ZNF500: variants seen among roughly 807,000 people sequenced by gnomAD.
ZNF500 encodes zinc finger protein 500.
In ZNF500, 31 loss-of-function variants were observed where a neutral mutation model predicts 30.1. The observed-to-expected ratio is 1.03, with a 90% CI of 0.77 to 1.39. ZNF500 has a LOEUF of 1.39. ZNF500 is among the 40% of genes most tolerant of loss of function. The pLI is 0.00. For synonymous variants in ZNF500, 392 were observed against 282.0 expected, an observed-to-expected ratio of 1.39 and a Z score of -3.91; for missense variants, 817 against 657.8, an observed-to-expected ratio of 1.24 and a Z score of -2.65.
intron 2 of ZNF500, among the ~76,000 whole-genome samples, chr16:4,764,457 CAGAG>C (rs1395629120): frequency 6.6e-6 from 1 of 151,820 alleles, no homozygotes; most frequent in African/African-American, 2.4e-5. Flanking sequence ...GCCTGGGCGA[CAGAG>C]AGAGACTCTG....
At chr16:4,746,369 T>C, downstream of ZNF500, 1 of 1,609,830 alleles carries the variant, frequency 6.2e-7, no homozygotes, top group Non-Finnish European at 8.5e-7. Flanking sequence ...GCTTTTCTCA[T>C]TTCAGATGTG....
At position 4,765,766 on chromosome 16, in the gene ZNF500, G is replaced by A; in HGVS notation, c.213C>T (p.Leu71=). 6.2e-7 allele frequency: 1 copy of A among 1,612,980 alleles called. No individual in the cohort carries two copies. Among genetic ancestry groups the A allele is most frequent in the Non-Finnish European group, 8.5e-7 (1 of 1,179,862 alleles). Residue 71 remains leucine, a synonymous_variant, in exon 2 of 6, where the codon CTC becomes CTT. Coordinates refer to ENST00000219478, the MANE Select transcript of ZNF500 (RefSeq NM_021646.4). ...GCAGCCAGCGGCAGCACAGCTCCCA[G>A]AGGCGGCTCAGGGCCTCCCGGGGCC... ...VAGPREALSR[L]WELCCRWLRP... is the part of the protein sequence containing the mutation.
In ZNF500 at chr16:4,751,552, TGAA is replaced by T. The variant is rs2082077862; in HGVS notation, c.*821_*823del. On this transcript the variant is annotated 3_prime_UTR_variant, in exon 6 of 6. Coordinates refer to ENST00000219478, the MANE Select transcript of ZNF500 (RefSeq NM_021646.4). The stretch of plus-strand genomic sequence containing the variant: ...GCTCCATTTGGAAACTCTGGCAGGA[TGAA>T]GAAGCTGGAGACCACGTCCTGGGAA... 1.3e-6 allele frequency: 2 copies of T among 1,530,142 alleles called. No homozygotes were observed. The highest frequency in any genetic ancestry group is 1.7e-6 in the Non-Finnish European group (2 of 1,145,104). 94.8% of individuals were successfully genotyped at this position (1,530,142 alleles called of 1,614,324 possible).
intron 5 of ZNF500, among the ~76,000 whole-genome samples, chr16:4,757,275 T>A (rs574640416): frequency 6.6e-6 from 1 of 152,310 alleles, no homozygotes; most frequent in South Asian, 2.1e-4. Flanking sequence ...GTGAATTTCA[T>A]CTCATTAAAA....
In ZNF500 at chr16:4,749,949, C is replaced by T. The variant is rs952301725; in HGVS notation, c.*2427G>A. 1 of 152,330 alleles carries T rather than the reference C, an allele frequency of 6.6e-6. No individual in the cohort carries two copies. The highest frequency in any genetic ancestry group is 2.4e-5 in the African/African-American group (1 of 41,420). 9.4% of individuals were successfully genotyped at this position (152,330 alleles called of 1,614,324 possible). On this transcript the variant is annotated 3_prime_UTR_variant, in exon 6 of 6. Transcript: ENST00000219478. ...ATCACGTGAGTGCTGAGGATGACGC[C>T]CATGAGATGGGGCCAAGCAGCAGGC...
In ZNF500 at chr16:4,752,860, C is replaced by G. The variant is rs776110565; in HGVS notation, c.959G>C (p.Gly320Ala). 1.2e-6 allele frequency: 2 copies of G among 1,614,018 alleles called. No homozygotes were observed. Among genetic ancestry groups the G allele is most frequent in the Non-Finnish European group, 1.7e-6 (2 of 1,180,040 alleles). The change falls in exon 6 of 6, where the codon GGG becomes GCG. Residue 320 changes from glycine (G) to alanine (A), a missense_variant. Transcript: ENST00000219478. ...GGGGCAGGTGTACGGCTTGTCAGCC[C>G]CATGGGAAGCCCGTCTTCCTGGTGG... ...GPPPGRRASH[G>A]ADKPYTCPEC...
In ZNF500 at chr16:4,752,999, C is replaced by A; in HGVS notation, c.820G>T (p.Glu274Ter). The change falls in exon 6 of 6, where the codon GAG (glutamate) becomes TAG (stop). Residue 274 changes from glutamate to a stop codon, truncating the protein, a stop_gained. Coordinates refer to ENST00000219478, the MANE Select transcript of ZNF500 (RefSeq NM_021646.4). LOFTEE classifies it low-confidence loss of function (END_TRUNC). The stretch of plus-strand genomic sequence containing the variant: ...CGTGCCGAGAGCACTCGGTACCACT[C>A]CATTCTCAACGGGGCATCCTCCCTG... ...DGREDAPLRMEWYRVLSARCQ... is the reference protein window; with the variant it reads ...DGREDAPLRM 1.3e-6 allele frequency: 2 copies of A among 1,575,880 alleles called. No individual in the cohort carries two copies. Among genetic ancestry groups the A allele is most frequent in the South Asian group, 1.1e-5 (1 of 88,158 alleles).
At chr16:4,766,370 T>A (rs1480716571) in intron 1 of ZNF500, among the ~76,000 whole-genome samples, 2 of 152,134 alleles carry the variant, frequency 1.3e-5, no homozygotes, top group Non-Finnish European at 2.9e-5. Flanking sequence ...ACGCCTGTAA[T>A]CCCCGCACTT....
In ZNF500 at chr16:4,765,561, T is replaced by G; in HGVS notation, c.414+4A>C. On this transcript the variant is annotated splice_donor_region_variant and intron_variant, in intron 2 of 5. Transcript: ENST00000219478. ...CACCTGAGGGTCAAAATGCCCCCAC[T>G]CACCCGCTGCCTGTGTTTCCTGGGC... 1 of 1,578,962 alleles carries G rather than the reference T, an allele frequency of 6.3e-7. No individual in the cohort carries two copies. The highest frequency in any genetic ancestry group is 8.6e-7 in the Non-Finnish European group (1 of 1,160,918).
downstream of ZNF500, among the ~76,000 whole-genome samples, chr16:4,744,529 A>AT (rs1364491635): frequency 3.3e-5 from 5 of 149,984 alleles, no homozygotes; most frequent in African/African-American, 4.9e-5. Flanking sequence ...GGATGACCCT[A>AT]TTTTTTTTTT....
Position 4,751,970 on chromosome 16 carries a change from A to G in ZNF500, c.*406T>C. 1.2e-6 allele frequency: 1 copy of G among 830,178 alleles called. No homozygotes were observed. 51.4% of individuals were successfully genotyped at this position (830,178 alleles called of 1,614,324 possible). On this transcript the variant is annotated 3_prime_UTR_variant, in exon 6 of 6. Transcript: ENST00000219478. The stretch of plus-strand genomic sequence containing the variant: ...ACAGAGACAGCGCACAGGGTCACAG[A>G]CACACAGGAGAGGGGTTGGGACGTG...
chr16:4,763,113 T>A (rs764721001), intron 2 of ZNF500: 24 of 985,312 alleles, frequency 2.4e-5, no homozygotes, highest in Admixed American at 6.2e-5. Flanking sequence ...TTTGAAATTA[T>A]CTGGCCAGCT....
chr16:4,746,708 CCTCGGGCTGGG>C, downstream of ZNF500: 1 of 839,386 alleles, frequency 1.2e-6, no homozygotes, highest in African/African-American at 1.7e-5. Context: ...AGGCACACCT[CCTCGGGCTGGG>C]CTCTATGCAA....
downstream of ZNF500, chr16:4,746,935 A>G: frequency 6.4e-7 from 1 of 1,560,804 alleles, no homozygotes; most frequent in Non-Finnish European, 8.6e-7. Context: ...AGCTCCAGCC[A>G]CAGCTCCTCT....
rs765171694 is a variant in ZNF500 at position 4,748,380 on chromosome 16, C to G, written c.*3996G>C. The G allele has an allele frequency of 2.0e-5, 3 of 151,962 alleles. No individual in the cohort carries two copies. Among genetic ancestry groups the G allele is most frequent in the Non-Finnish European group, 2.9e-5 (2 of 68,018 alleles). 9.4% of individuals were successfully genotyped at this position (151,962 alleles called of 1,614,324 possible). ...AATGAACTTTTTGAAAGAGGAGTAA[C>G]GAGAATTTGCTTTCTCTTTCTCTTC... On this transcript the variant is annotated 3_prime_UTR_variant, in exon 6 of 6. Coordinates refer to ENST00000219478, the MANE Select transcript of ZNF500 (RefSeq NM_021646.4).
chr16:4,765,864 C>G lies in ZNF500; in HGVS notation c.115G>C (p.Val39Leu), dbSNP rs149303784. The change falls in exon 2 of 6, where the codon GTG (valine) becomes CTG (leucine). Residue 39 changes from valine to leucine, a missense_variant. By Grantham distance (32) the Val-to-Leu change is conservative. Coordinates refer to ENST00000219478, the MANE Select transcript of ZNF500 (RefSeq NM_021646.4). The part of the protein sequence containing the change: ...EDFCLEEEPS[V>L]ETEDPSPETF... The stretch of plus-strand genomic sequence containing the variant: ...TCAGGGCTGGGGTCCTCCGTCTCCA[C>G]GGAGGGCTCCTCTTCCAAGCAGAAG... The G allele has an allele frequency of 2.5e-5, 41 of 1,613,684 alleles. 2 individuals are homozygous for G. In the Middle Eastern group the frequency reaches 5.8e-3, roughly 226 times the overall value.
chr16:4,764,787 A>C (rs1223099711), intron 2 of ZNF500, among the ~76,000 whole-genome samples: 1 of 112,936 alleles, frequency 8.9e-6, no homozygotes, highest in East Asian at 3.1e-4. Flanking sequence ...ATCTCAAAAA[A>C]AAAGAAAAAA....
Position 4,751,585 on chromosome 16 carries a change from G to T in ZNF500, c.*791C>A. ...CTGGAGACCACGTCCTGGGAAGGCT[G>T]GGGTACAGCAGGGCTCCCTGCAGCA... On this transcript the variant is annotated 3_prime_UTR_variant, in exon 6 of 6. Coordinates refer to ENST00000219478, the MANE Select transcript of ZNF500 (RefSeq NM_021646.4). 1 of 1,534,646 alleles carries T rather than the reference G, an allele frequency of 6.5e-7. No homozygotes were observed. Among genetic ancestry groups the T allele is most frequent in the Non-Finnish European group, 8.7e-7 (1 of 1,146,530 alleles).
downstream of ZNF500, chr16:4,747,054 G>A (rs201265714): frequency 2.6e-3 from 3,913 of 1,502,282 alleles, 7 homozygotes; most frequent in Non-Finnish European, 3.1e-3. Flanking sequence ...CTCGCCACCT[G>A]CAGATGTCCC....
Sources: gnomAD v4.1 joint callset for allele counts (sites outside exome capture counted in the v4.1 genomes callset) on GRCh38, gnomAD v4.1.1 for gene constraint, MANE v1.5 for transcripts, NCBI Gene and HGNC (gene_info 2026-07-23, HGNC 2026-07-21) for gene names.